The following AGO3 variants were observed in gnomAD, a reference collection of about 807,000 sequenced individuals.
The protein encoded by AGO3 is protein argonaute-3.
AGO3 carries 16 observed loss-of-function variants against 105.5 expected under a neutral mutation model. The observed-to-expected ratio is 0.15, with a 90% CI of 0.10 to 0.23. The LOEUF is 0.23. Among genes scored for constraint, AGO3 ranks in the 10% least tolerant of loss-of-function variants. The pLI, the probability that AGO3 is intolerant of heterozygous loss-of-function variation, is 1.00. For synonymous variants in AGO3, 340 were observed against 367.3 expected (o/e 0.93, Z 0.85); for missense variants, 534 against 1,088.0 (o/e 0.49, Z 7.16).
intron 3 of AGO3, among the ~76,000 whole-genome samples, chr1:35,967,805 A>C (rs1167529187): frequency 6.6e-6 from 1 of 152,154 alleles, no homozygotes; most frequent in Non-Finnish European, 1.5e-5. Context: ...TTGATATGAT[A>C]CTTTTATTTA....
At chr1:35,991,076 G>A (rs959146188) in intron 5 of AGO3, among the ~76,000 whole-genome samples, 4 of 152,182 alleles carry the variant, frequency 2.6e-5, no homozygotes, top group Admixed American at 6.5e-5. Context: ...GGCCGAGGTG[G>A]GCGGATTGCC....
chr1:35,981,886 C>T (rs1359763769), intron 5 of AGO3, among the ~76,000 whole-genome samples: 1 of 152,142 alleles, frequency 6.6e-6, no homozygotes, highest in Non-Finnish European at 1.5e-5. Context: ...CTTTATACTT[C>T]TTGTCATTCT....
At chr1:36,001,007 G>A (rs532245879) in intron 5 of AGO3, among the ~76,000 whole-genome samples, 2 of 152,120 alleles carry the variant, frequency 1.3e-5, no homozygotes, top group Admixed American at 6.5e-5. Flanking sequence ...AGGCCGAGGC[G>A]GGTGGATCAG....
At chr1:35,990,279 G>A (rs559709753) in intron 5 of AGO3, among the ~76,000 whole-genome samples, 6 of 151,956 alleles carry the variant, frequency 3.9e-5, no homozygotes, top group African/African-American at 1.2e-4. Context: ...GAGGCCGAGG[G>A]GGGTGGATCA....
intron 1 of AGO3, among the ~76,000 whole-genome samples, chr1:35,935,980 C>G (rs774853907): frequency 2.2e-4 from 34 of 152,138 alleles, no homozygotes; most frequent in Admixed American, 7.9e-4. Flanking sequence ...TATTTAAGAT[C>G]AGTATCCTTT....
intron 1 of AGO3, among the ~76,000 whole-genome samples, chr1:35,944,162 A>T (rs1646313821): frequency 6.6e-6 from 1 of 152,126 alleles, no homozygotes. Flanking sequence ...AGGAACCATC[A>T]TACTGTTTTT....
chr1:35,969,430 T>C (rs1052371869), intron 3 of AGO3, among the ~76,000 whole-genome samples: 1 of 152,168 alleles, frequency 6.6e-6, no homozygotes, highest in Non-Finnish European at 1.5e-5. Flanking sequence ...TTGATTATTC[T>C]TGCTTGAAAG....
At chr1:35,961,110 ATT>A (rs771234870) in intron 2 of AGO3, among the ~76,000 whole-genome samples, 8 of 140,488 alleles carry the variant, frequency 5.7e-5, no homozygotes, top group Admixed American at 7.2e-5. Context: ...AGCCCTGCTA[ATT>A]TTTTTTTTTT....
intron 3 of AGO3, among the ~76,000 whole-genome samples, chr1:35,971,743 A>C (rs1646874790): frequency 6.6e-6 from 1 of 152,058 alleles, no homozygotes; most frequent in African/African-American, 2.4e-5. Context: ...ATAGCTTGGA[A>C]ATTTATTCCA....
At chr1:35,984,103 A>T (rs1203252076) in intron 5 of AGO3, among the ~76,000 whole-genome samples, 1 of 152,232 alleles carries the variant, frequency 6.6e-6, no homozygotes, top group East Asian at 1.9e-4. Context: ...ACTAGTGAGC[A>T]AGTAATGATT....
At chr1:35,941,550 A>G (rs184018187) in intron 1 of AGO3, among the ~76,000 whole-genome samples, 302 of 152,330 alleles carry the variant, frequency 2.0e-3, no homozygotes, top group Non-Finnish European at 3.1e-3. Flanking sequence ...GGAACAGAAC[A>G]GAGAGTCCAG....
rs1640296786 is a variant in AGO3, at chr1:36,005,489, CTG to C, written c.793+1016_793+1017del. Among the ~76,000 whole-genome samples the C allele has an allele frequency of 2.6e-5, 4 of 152,168 alleles. No homozygotes were observed. The South Asian group carries it at 8.3e-4, about 32-fold the overall frequency. Reference sequence around the variant, plus strand: ...GTTATTTAAATGCCAAAGTAAGAAACTGTTTATGTAACTGTTTTGCAACCATA... The same window carrying C: ...GTTATTTAAATGCCAAAGTAAGAAACTTTATGTAACTGTTTTGCAACCATA... On this transcript the variant is annotated intron_variant, in intron 6 of 18. Coordinates refer to ENST00000373191, the MANE Select transcript of AGO3 (RefSeq NM_024852.4).
At chr1:35,988,331 T>C (rs2148791531) in intron 5 of AGO3, among the ~76,000 whole-genome samples, 1 of 152,312 alleles carries the variant, frequency 6.6e-6, no homozygotes, top group East Asian at 1.9e-4. Flanking sequence ...TCTCAGCGTA[T>C]TTCAAGTATA....
intron 4 of AGO3, among the ~76,000 whole-genome samples, chr1:35,972,835 T>A (rs867229950): frequency 1.3e-5 from 2 of 151,104 alleles, no homozygotes; most frequent in Non-Finnish European, 2.9e-5. Flanking sequence ...TGCACCATCA[T>A]GCCTGACTAA....
At chr1:35,995,811 G>A (rs1418684796) in intron 5 of AGO3, among the ~76,000 whole-genome samples, 2 of 152,004 alleles carry the variant, frequency 1.3e-5, no homozygotes, top group Non-Finnish European at 2.9e-5. Context: ...CTGAGTAGCT[G>A]GGACCACAGG....
At chr1:36,048,439 C>A (rs1642566424) in intron 17 of AGO3, among the ~76,000 whole-genome samples, 1 of 151,704 alleles carries the variant, frequency 6.6e-6, no homozygotes. Context: ...TCGAGGGAGG[C>A]AAAAAGTCAA....
chr1:36,039,880 T>G lies in AGO3; in HGVS notation c.1933T>G (p.Ser645Ala). ...PRQEIIQDLASMVRELLIQFY... is the reference protein window; with the variant it reads ...PRQEIIQDLAAMVRELLIQFY... Reference sequence around the variant, plus strand: ...ACAGGAGATCATCCAGGACTTGGCCTCCATGGTCCGGGAACTTCTTATTCA... The same window carrying G: ...ACAGGAGATCATCCAGGACTTGGCCGCCATGGTCCGGGAACTTCTTATTCA... The change falls in exon 15 of 19, where the codon TCC (serine) becomes GCC (alanine). Residue 645 changes from serine to alanine, a missense_variant. Coordinates refer to ENST00000373191, the MANE Select transcript of AGO3 (RefSeq NM_024852.4). 6.2e-7 allele frequency: 1 copy of G among 1,613,980 alleles called. No homozygotes were observed. Among genetic ancestry groups the G allele is most frequent in the Non-Finnish European group, 8.5e-7 (1 of 1,179,974 alleles).
Position 35,939,876 on chromosome 1 carries a change from CTT to C in AGO3, c.20-5813_20-5812del, listed in dbSNP as rs201641692. Reference sequence around the variant, plus strand: ...AATCGCTTCTCTTCTACTTTTCCCTCTTTTATATTTTTGAAGCATATTCTAGG... The same window carrying C: ...AATCGCTTCTCTTCTACTTTTCCCTCTTATATTTTTGAAGCATATTCTAGG... On this transcript the variant is annotated intron_variant, in intron 1 of 18. Transcript: ENST00000373191. Among the ~76,000 whole-genome samples the C allele has an allele frequency of 2.9e-3, 434 of 152,100 alleles. 3 individuals are homozygous for C. The highest frequency in any genetic ancestry group is 1.0e-2 in the African/African-American group (413 of 41,466).
At chr1:35,933,936 T>C (rs938528546) in intron 1 of AGO3, among the ~76,000 whole-genome samples, 1 of 152,156 alleles carries the variant, frequency 6.6e-6, no homozygotes, top group African/African-American at 2.4e-5. Context: ...TATGAAATAT[T>C]TTAAATGCTT....
Sources: gnomAD v4.1 joint callset for allele counts (sites outside exome capture counted in the v4.1 genomes callset) on GRCh38, gnomAD v4.1.1 for gene constraint, MANE v1.5 for transcripts, NCBI Gene and HGNC (gene_info 2026-07-23, HGNC 2026-07-21) for gene names.